The following ITSN2 variants were observed in gnomAD, a reference collection of about 807,000 sequenced individuals.
ITSN2 encodes the protein intersectin 2, also known as intersectin-2.
A neutral mutation model predicts 243.7 loss-of-function variants in ITSN2; 156 were observed. The observed-to-expected ratio is 0.64, with a 90% CI of 0.56 to 0.73. The LOEUF (loss-of-function observed/expected upper bound fraction) is 0.73, where lower values mean the gene tolerates loss of function less well. Ranked by LOEUF, ITSN2 falls within the 30% of genes least tolerant of loss-of-function variation. The pLI, the probability that ITSN2 is intolerant of heterozygous loss-of-function variation, is 0.00. For synonymous variants in ITSN2, 703 were observed against 699.9 expected (o/e 1.00, Z -0.07); for missense variants, 1,801 against 1,996.1 (o/e 0.90, Z 1.86).
At position 24,248,875 on chromosome 2, in the gene ITSN2, C is replaced by G; in HGVS notation, c.3128G>C (p.Gly1043Ala). 1 of 1,613,494 alleles carries G rather than the reference C, an allele frequency of 6.2e-7. No individual in the cohort carries two copies. Among genetic ancestry groups the G allele is most frequent in the South Asian group, 1.1e-5 (1 of 91,054 alleles). The change falls in exon 26 of 40, where the codon GGG becomes GCG. Residue 1043 changes from glycine to alanine, a missense_variant. Gly to Ala is a moderately conservative substitution (Grantham distance 60, BLOSUM62 0). Coordinates refer to ENST00000355123, the MANE Select transcript of ITSN2 (RefSeq NM_006277.3). ...TGATGCTCCAGACTTGCTAGCACTCCCAAAACTCTACAAGGAAAAGATACC... is the reference window on the plus strand; with the variant it reads ...TGATGCTCCAGACTTGCTAGCACTCGCAAAACTCTACAAGGAAAAGATACC... ...YVKPKDQESF[G>A]SASKSGASNK...
At position 24,204,473 on chromosome 2, in the gene ITSN2, C is replaced by G. The variant is rs778710887; in HGVS notation, c.4763-55G>C. ...GGTGCATGCAGGTAAAACGAAGCGA[C>G]TGACAGTGCCCTCCCTGAGCAGAAG... On this transcript the variant is annotated intron_variant, in intron 38 of 39. Transcript: ENST00000355123. The surrounding 1 kb of genome is among the most constrained non-coding windows in gnomAD (Gnocchi z 5.1). The G allele has an allele frequency of 4.0e-6, 6 of 1,495,796 alleles. No individual in the cohort carries two copies. The South Asian group carries it at 5.7e-5, about 14-fold the overall frequency. 92.7% of individuals were successfully genotyped at this position (1,495,796 alleles called of 1,614,324 possible).
chr2:24,361,117 A>G (rs1364097586), upstream of ITSN2, among the ~76,000 whole-genome samples: 1 of 152,138 alleles, frequency 6.6e-6, no homozygotes, highest in Non-Finnish European at 1.5e-5. Context: ...GCCCTCCTCC[A>G]TAACACACGC....
chr2:24,295,022 G>A (rs1269833481), intron 14 of ITSN2, among the ~76,000 whole-genome samples: 1 of 152,162 alleles, frequency 6.6e-6, no homozygotes, highest in African/African-American at 2.4e-5. Flanking sequence ...CTAGAACTAT[G>A]AGTAATAAAT....
intron 17 of ITSN2, among the ~76,000 whole-genome samples, chr2:24,283,374 G>A (rs1302143177): frequency 2.0e-5 from 3 of 152,148 alleles, no homozygotes; most frequent in South Asian, 2.1e-4. Flanking sequence ...ACAGGCATCC[G>A]CCACTATGCC....
chr2:24,207,377 G>A (rs1573846240), intron 37 of ITSN2, among the ~76,000 whole-genome samples: 1 of 152,194 alleles, frequency 6.6e-6, no homozygotes, highest in African/African-American at 2.4e-5. Flanking sequence ...TCCACAGAGG[G>A]TCCCAGGAGG....
At position 24,203,264 on chromosome 2, in the gene ITSN2, G is replaced by A. The variant is rs573820297; in HGVS notation, c.*362C>T. The A allele has an allele frequency of 5.1e-5, 9 of 175,062 alleles. No homozygotes were observed. The highest frequency in any genetic ancestry group is 7.0e-5 in the African/African-American group (3 of 42,678). The allele number at this position is 175,062 out of a possible 1,614,324, so 10.8% of individuals were successfully genotyped here. ...GTCACTGGCGTGGAATGGTTACAGC[G>A]TCACCAAACCACTCCACGGTGGACA... On this transcript the variant is annotated 3_prime_UTR_variant, in exon 40 of 40. Coordinates refer to ENST00000355123, the MANE Select transcript of ITSN2 (RefSeq NM_006277.3).
intron 20 of ITSN2, among the ~76,000 whole-genome samples, chr2:24,269,567 AGGTCT>A (rs1466103571): frequency 1.3e-5 from 2 of 152,222 alleles, no homozygotes; most frequent in Non-Finnish European, 2.9e-5. Context: ...ACCATGGGAG[AGGTCT>A]GTGCTAAAGC....
At chr2:24,271,725 G>T (rs1208103029) in intron 19 of ITSN2, 41 bp downstream of exon 19, 15 of 1,438,062 alleles carry the variant, frequency 1.0e-5, no homozygotes, top group Admixed American at 2.6e-5. Context: ...TTTTTTTCTT[G>T]TTGCATTTGT....
At chr2:24,265,125 C>T (rs1167193844) in intron 20 of ITSN2, among the ~76,000 whole-genome samples, 2 of 152,142 alleles carry the variant, frequency 1.3e-5, no homozygotes, top group Non-Finnish European at 2.9e-5. Context: ...TGCTTTGAGT[C>T]TGTGTAAGAA....
chr2:24,257,277 C>T (rs1675172444), intron 23 of ITSN2, among the ~76,000 whole-genome samples: 2 of 152,096 alleles, frequency 1.3e-5, no homozygotes, highest in East Asian at 1.9e-4. Flanking sequence ...CCATGATCCA[C>T]CACTGCACTC....
intron 20 of ITSN2, among the ~76,000 whole-genome samples, chr2:24,265,819 T>C (rs1431899280): frequency 6.6e-6 from 1 of 152,236 alleles, no homozygotes; most frequent in Non-Finnish European, 1.5e-5. Flanking sequence ...CAAGCCTCAA[T>C]GTTTTTATTT....
intron 31 of ITSN2, among the ~76,000 whole-genome samples, chr2:24,217,083 CAAAA>C (rs67968149): frequency 7.1e-6 from 1 of 140,140 alleles, no homozygotes; most frequent in Non-Finnish European, 1.5e-5. Context: ...GACTCCGTCT[CAAAA>C]AAAAAAAAAA....
At chr2:24,346,916 G>A (rs1687590656) in intron 1 of ITSN2, among the ~76,000 whole-genome samples, 1 of 141,780 alleles carries the variant, frequency 7.1e-6, no homozygotes, top group Non-Finnish European at 1.5e-5. Flanking sequence ...CTAGGCTGGA[G>A]TGCAGTGGCA....
At chr2:24,280,912 CCT>C (rs1678687719) in intron 17 of ITSN2, among the ~76,000 whole-genome samples, 1 of 152,170 alleles carries the variant, frequency 6.6e-6, no homozygotes, top group Admixed American at 6.5e-5. Flanking sequence ...ATTATTACAC[CCT>C]GAGTCTTACT....
intron 29 of ITSN2, among the ~76,000 whole-genome samples, chr2:24,237,459 A>G (rs1672292085): frequency 6.6e-6 from 1 of 151,970 alleles, no homozygotes; most frequent in Admixed American, 6.6e-5. Flanking sequence ...AATCTCATCT[A>G]CTTTCACTGG....
At chr2:24,209,274 C>T in intron 35 of ITSN2, 53 bp from the exon 36 acceptor site, 3 of 1,602,408 alleles carry the variant, frequency 1.9e-6, no homozygotes, top group Non-Finnish European at 2.6e-6. Flanking sequence ...GAACACTCCA[C>T]CCGCCTATGT....
At position 24,209,269 on chromosome 2, in the gene ITSN2, C is replaced by T. The variant is rs2303292; in HGVS notation, c.4474-48G>A. ...ACAGGCTGTGAGATGGGCTAGAACA[C>T]TCCACCCGCCTATGTCCAGAGAGAG... On this transcript the variant is annotated intron_variant, in intron 35 of 39. Coordinates refer to ENST00000355123, the MANE Select transcript of ITSN2 (RefSeq NM_006277.3). 381,861 of 1,582,210 alleles carry T rather than the reference C, an allele frequency of 0.24. 49,494 individuals carry two copies. Among genetic ancestry groups the T allele is most frequent in the Non-Finnish European group, 0.27 (314,133 of 1,160,254 alleles).
At chr2:24,315,762 C>G (rs769489520) in intron 2 of ITSN2, among the ~76,000 whole-genome samples, 3 of 152,184 alleles carry the variant, frequency 2.0e-5, no homozygotes, top group Admixed American at 2.0e-4. Flanking sequence ...GCACTTCCCC[C>G]CTTGCTGCTT....
intron 2 of ITSN2, among the ~76,000 whole-genome samples, chr2:24,320,815 T>C (rs760067192): frequency 4.5e-4 from 69 of 151,918 alleles, no homozygotes; most frequent in Non-Finnish European, 8.2e-4. Context: ...TGATGATTTA[T>C]AGGATTTGTT....
Sources: gnomAD v4.1 joint callset for allele counts (sites outside exome capture counted in the v4.1 genomes callset) on GRCh38, gnomAD v4.1.1 for gene constraint, Gnocchi (gnomAD v3.1) non-coding constraint, MANE v1.5 for transcripts, NCBI Gene and HGNC (gene_info 2026-07-23, HGNC 2026-07-21) for gene names.